TNNT1: variants seen among roughly 807,000 people sequenced by gnomAD.
TNNT1 encodes troponin T1, slow skeletal type, also known as troponin T, slow skeletal muscle.
Under a neutral mutation model 50.6 loss-of-function variants are expected in TNNT1, and 53 were observed. That is an observed-to-expected ratio of 1.05 (90% CI 0.84 to 1.32). The LOEUF (loss-of-function observed/expected upper bound fraction) is 1.32, where lower values mean the gene tolerates loss of function less well. Among genes scored for constraint, TNNT1 ranks in the 40% most tolerant of loss-of-function variants. The pLI is 0.00. For synonymous variants in TNNT1, 142 were observed against 138.0 expected, an observed-to-expected ratio of 1.03 and a Z score of -0.20; for missense variants, 348 against 381.7, an observed-to-expected ratio of 0.91 and a Z score of 0.74.
intron 6 of TNNT1, chr19:55,145,342 A>AGAGGAAGTG (rs1308211738): frequency 6.4e-6 from 4 of 627,344 alleles, no homozygotes; most frequent in Non-Finnish European, 1.1e-5. Context: ...AAGGGGAAGA[A>AGAGGAAGTG]GAGGAAGTGG....
chr19:55,140,361 T>A (rs1182678568), intron 9 of TNNT1, among the ~76,000 whole-genome samples: 1 of 151,614 alleles, frequency 6.6e-6, no homozygotes, highest in African/African-American at 2.4e-5. Context: ...TTCCAGCGAC[T>A]CTGGAGGCTG....
In TNNT1 at chr19:55,147,167, G is replaced by A. The variant is rs758985879; in HGVS notation, c.-10C>T. On this transcript the variant is annotated splice_region_variant and 5_prime_UTR_variant, in exon 2 of 14. Coordinates refer to ENST00000588981, the MANE Select transcript of TNNT1 (RefSeq NM_003283.6). ...CCTCGGTGTCCGACATCCTGGTGCG[G>A]CCTAAGGACCAGAGAGAAGAGGCCC... The A allele has an allele frequency of 1.9e-6, 3 of 1,613,238 alleles. No individual in the cohort carries two copies. Among genetic ancestry groups the A allele is most frequent in the Non-Finnish European group, 2.5e-6 (3 of 1,179,616 alleles).
intron 9 of TNNT1, 82 bp from the exon 10 acceptor site, chr19:55,138,156 A>G: frequency 6.2e-7 from 1 of 1,607,304 alleles, no homozygotes; most frequent in Non-Finnish European, 8.5e-7. Flanking sequence ...ACTGGGGCAC[A>G]GGGATCAGCA....
chr19:55,148,651 C>A (rs2085624359), intron 1 of TNNT1, among the ~76,000 whole-genome samples: 1 of 152,036 alleles, frequency 6.6e-6, no homozygotes, highest in Non-Finnish European at 1.5e-5. Context: ...CCCCCAAAAT[C>A]TTGATACCCA....
chr19:55,144,857 G>C (rs77416990), intron 6 of TNNT1, among the ~76,000 whole-genome samples: 14,920 of 152,230 alleles, frequency 0.098, 1,546 homozygotes, highest in African/African-American at 0.26. Flanking sequence ...GAGCAGAGGA[G>C]GGGCAGGGTT....
intron 1 of TNNT1, chr19:55,148,239 G>C (rs1167291698): frequency 1.3e-5 from 2 of 151,818 alleles, no homozygotes; most frequent in Non-Finnish European, 2.9e-5. Flanking sequence ...TGAGGAAGGG[G>C]GGCTTCTGGG....
At chr19:55,146,878 C>T (rs1300135546) in intron 3 of TNNT1, 130 bp downstream of exon 3, 1 of 1,320,784 alleles carries the variant, frequency 7.6e-7, no homozygotes, top group East Asian at 2.5e-5. Flanking sequence ...GCTCCAGACC[C>T]GGAGAGGGCG....
rs542670556 is a variant in TNNT1 at position 55,135,976 on chromosome 19, C to T, written c.611+1127G>A. Among the ~76,000 whole-genome samples, 9 of 152,278 alleles carry T rather than the reference C, an allele frequency of 5.9e-5. No homozygotes were observed. In the South Asian group the frequency reaches 8.3e-4, roughly 14 times the overall value. On this transcript the variant is annotated intron_variant, in intron 11 of 13. Coordinates refer to ENST00000588981, the MANE Select transcript of TNNT1 (RefSeq NM_003283.6). The stretch of plus-strand genomic sequence containing the variant: ...GAAAGGAGCAAGGTGGAAGTATTTA[C>T]GCCCTGGGAATGGGCATGTGCTAAA...
At chr19:55,140,142 TAA>T (rs544765660) in intron 9 of TNNT1, among the ~76,000 whole-genome samples, 2 of 135,014 alleles carry the variant, frequency 1.5e-5, no homozygotes, top group Non-Finnish European at 1.6e-5. Flanking sequence ...AAATTAAAAT[TAA>T]AAAAAAAGGG....
At chr19:55,133,817 G>A in intron 13 of TNNT1, 70 bp downstream of exon 13, 3 of 1,577,946 alleles carry the variant, frequency 1.9e-6, no homozygotes, top group Non-Finnish European at 2.6e-6. Flanking sequence ...CCCACAGAGG[G>A]AGGGAAAGAG....
chr19:55,133,077 G>A, intron 13 of TNNT1, 117 bp from the exon 14 acceptor site: 1 of 925,448 alleles, frequency 1.1e-6, no homozygotes, highest in Non-Finnish European at 1.7e-6. Context: ...CTGCCCAGAG[G>A]AAGCAGTGAG....
At chr19:55,135,746 C>T (rs1196888592) in intron 11 of TNNT1, among the ~76,000 whole-genome samples, 1 of 152,026 alleles carries the variant, frequency 6.6e-6, no homozygotes. Flanking sequence ...AGGCTGGTCT[C>T]CTGACCTCAG....
intron 12 of TNNT1, 29 bp from the exon 13 acceptor site, chr19:55,133,956 C>G (rs2085295369): frequency 6.2e-7 from 1 of 1,608,416 alleles, no homozygotes. Context: ...GATGCTGGGA[C>G]AGCCGGTGGG....
intron 11 of TNNT1, among the ~76,000 whole-genome samples, chr19:55,136,167 G>C (rs894370761): frequency 6.6e-6 from 1 of 152,080 alleles, no homozygotes; most frequent in Non-Finnish European, 1.5e-5. Context: ...TAACCTCTCT[G>C]TGCCTCAGGT....
chr19:55,137,007 C>A, intron 11 of TNNT1, 96 bp downstream of exon 11: 1 of 765,590 alleles, frequency 1.3e-6, no homozygotes, highest in Non-Finnish European at 2.2e-6. Context: ...GGAGCTGAGA[C>A]CCGGAGTATC....
intron 5 of TNNT1, 129 bp downstream of exon 5, chr19:55,146,305 A>T: frequency 1.8e-6 from 1 of 541,716 alleles, no homozygotes; most frequent in Non-Finnish European, 2.9e-6. Flanking sequence ...GGCTTAAAGG[A>T]CCGGGCCTGG....
chr19:55,140,880 C>T lies in TNNT1; in HGVS notation c.387+3G>A. 1 of 1,613,244 alleles carries T rather than the reference C, an allele frequency of 6.2e-7. No individual in the cohort carries two copies. Among genetic ancestry groups the T allele is most frequent in the East Asian group, 2.2e-5 (1 of 44,880 alleles). On this transcript the variant is annotated splice_donor_region_variant and intron_variant, in intron 9 of 13. Coordinates refer to ENST00000588981, the MANE Select transcript of TNNT1 (RefSeq NM_003283.6). ...GGGCTCTCAGGGCAGGGGAGGCACC[C>T]ACCGCCAGCTTAGCCTGACGTTCGC...
intron 6 of TNNT1, among the ~76,000 whole-genome samples, chr19:55,144,736 G>A (rs2085516617): frequency 6.6e-6 from 1 of 152,240 alleles, no homozygotes; most frequent in African/African-American, 2.4e-5. Flanking sequence ...TCTGTCAGTG[G>A]GGAAGGCAGA....
chr19:55,140,790 A>C, intron 9 of TNNT1, 93 bp downstream of exon 9: 1 of 891,298 alleles, frequency 1.1e-6, no homozygotes, highest in Non-Finnish European at 1.5e-6. Flanking sequence ...GAATAATAAT[A>C]ATAGTAATAA....
Sources: gnomAD v4.1 joint callset for allele counts (sites outside exome capture counted in the v4.1 genomes callset) on GRCh38, gnomAD v4.1.1 for gene constraint, MANE v1.5 for transcripts, NCBI Gene and HGNC (gene_info 2026-07-23, HGNC 2026-07-21) for gene names.